The following UBE3D variants were observed in gnomAD, a reference collection of about 807,000 sequenced individuals.
UBE3D encodes the protein E3 ubiquitin-protein ligase E3D.
UBE3D carries 48 observed loss-of-function variants against 49.6 expected under a neutral mutation model. The ratio of observed to expected loss-of-function variants is 0.97; its 90% confidence interval spans 0.77 to 1.23. The LOEUF (loss-of-function observed/expected upper bound fraction) is 1.23, where lower values mean the gene tolerates loss of function less well. UBE3D is among the 50% of genes most tolerant of loss of function. UBE3D has a pLI of 0.00. For missense variants in UBE3D, 452 were observed against 468.4 expected (o/e 0.96, Z 0.32); for synonymous variants, 189 against 174.2 (o/e 1.08, Z -0.67).
At chr6:82,962,713 A>G (rs1219657372) in intron 8 of UBE3D, among the ~76,000 whole-genome samples, 2 of 152,222 alleles carry the variant, frequency 1.3e-5, no homozygotes, top group Non-Finnish European at 2.9e-5. Context: ...GGGCCAATAA[A>G]TGATAGGAAA....
chr6:82,999,530 G>T (rs112063855), intron 8 of UBE3D, among the ~76,000 whole-genome samples: 3,101 of 152,178 alleles, frequency 0.02, 35 homozygotes, highest in African/African-American at 0.032. Context: ...GACTATAGGT[G>T]CACACCACCA....
At chr6:82,979,726 CAAGT>C (rs1376375499) in intron 8 of UBE3D, among the ~76,000 whole-genome samples, 1 of 152,022 alleles carries the variant, frequency 6.6e-6, no homozygotes, top group Non-Finnish European at 1.5e-5. Context: ...CTGTACAAAT[CAAGT>C]AATTTCTCAT....
chr6:82,923,570 T>TG (rs992105921), intron 9 of UBE3D, among the ~76,000 whole-genome samples: 9 of 150,038 alleles, frequency 6.0e-5, no homozygotes, highest in Admixed American at 1.3e-4. Flanking sequence ...CCTGTGGGGG[T>TG]GGGGGGCTAG....
chr6:82,953,964 C>T (rs2127770087), intron 9 of UBE3D, among the ~76,000 whole-genome samples: 1 of 152,218 alleles, frequency 6.6e-6, no homozygotes, highest in Non-Finnish European at 1.5e-5. Flanking sequence ...CTCCCAGTAG[C>T]AGGGAAAACA....
At chr6:83,012,432 G>GA (rs1408361471) in intron 8 of UBE3D, among the ~76,000 whole-genome samples, 3 of 152,212 alleles carry the variant, frequency 2.0e-5, no homozygotes, top group Non-Finnish European at 4.4e-5. Context: ...CAGCCTTGGT[G>GA]AGTGAAAGTC....
At chr6:82,980,057 A>G (rs1482403532) in intron 8 of UBE3D, among the ~76,000 whole-genome samples, 2 of 152,178 alleles carry the variant, frequency 1.3e-5, no homozygotes, top group Non-Finnish European at 2.9e-5. Flanking sequence ...ATAAACAAAT[A>G]AATGAATGCA....
chr6:83,046,395 G>C (rs1326580309), intron 3 of UBE3D, among the ~76,000 whole-genome samples: 1 of 152,060 alleles, frequency 6.6e-6, no homozygotes, highest in Non-Finnish European at 1.5e-5. Flanking sequence ...TTTAACATAA[G>C]GAAGAACTTT....
intron 1 of UBE3D, among the ~76,000 whole-genome samples, chr6:83,063,412 TAAAA>T (rs201669450): frequency 1.1e-4 from 5 of 45,494 alleles, no homozygotes; most frequent in Non-Finnish European, 1.8e-4. Flanking sequence ...AGACGCTGTC[TAAAA>T]AAAAAAAAAA....
intron 9 of UBE3D, among the ~76,000 whole-genome samples, chr6:82,909,714 A>G (rs1192429134): frequency 6.6e-6 from 1 of 152,180 alleles, no homozygotes; most frequent in Non-Finnish European, 1.5e-5. Context: ...AGAAGCTTCA[A>G]GTTTTGTACT....
At chr6:83,032,477 T>C (rs1781948327) in intron 5 of UBE3D, among the ~76,000 whole-genome samples, 1 of 152,232 alleles carries the variant, frequency 6.6e-6, no homozygotes, top group African/African-American at 2.4e-5. Context: ...ATCTAGGAAG[T>C]ACCTAACTTG....
At chr6:82,963,126 T>C (rs1225016359) in intron 8 of UBE3D, among the ~76,000 whole-genome samples, 1 of 151,250 alleles carries the variant, frequency 6.6e-6, no homozygotes, top group East Asian at 1.9e-4. Flanking sequence ...AAAATGAAAT[T>C]AGTTGTTTAG....
chr6:82,962,069 C>T (rs569436073), intron 8 of UBE3D, among the ~76,000 whole-genome samples: 2 of 151,548 alleles, frequency 1.3e-5, no homozygotes, highest in Admixed American at 1.3e-4. Flanking sequence ...GAAAAATATT[C>T]ATGTTAGAGT....
chr6:82,985,767 G>A (rs981442710), intron 8 of UBE3D, among the ~76,000 whole-genome samples: 3 of 151,986 alleles, frequency 2.0e-5, no homozygotes, highest in East Asian at 1.9e-4. Context: ...GCACCCCAAC[G>A]CTAATTATTA....
intron 8 of UBE3D, among the ~76,000 whole-genome samples, chr6:82,988,262 TCTAC>T (rs1029502437): frequency 1.3e-5 from 2 of 152,130 alleles, no homozygotes; most frequent in African/African-American, 2.4e-5. Context: ...TAAAACTCTA[TCTAC>T]CTACCTACCT....
intron 3 of UBE3D, among the ~76,000 whole-genome samples, chr6:83,053,747 T>TA (rs1458365760): frequency 5.3e-5 from 8 of 152,232 alleles, no homozygotes; most frequent in Non-Finnish European, 8.8e-5. Context: ...AAGGCACTGA[T>TA]AAAAACAGTT....
intron 9 of UBE3D, among the ~76,000 whole-genome samples, chr6:82,901,314 G>A (rs1771716765): frequency 6.6e-6 from 1 of 152,052 alleles, no homozygotes; most frequent in African/African-American, 2.4e-5. Flanking sequence ...AGAGGAGCAG[G>A]GCTTGGGAGA....
intron 9 of UBE3D, among the ~76,000 whole-genome samples, chr6:82,905,147 AC>A (rs1772008474): frequency 6.6e-6 from 1 of 152,190 alleles, no homozygotes; most frequent in Non-Finnish European, 1.5e-5. Flanking sequence ...TAATACAGGC[AC>A]ATCTCACTTA....
intron 9 of UBE3D, chr6:82,925,193 C>G (rs1407299245): frequency 6.6e-6 from 1 of 152,144 alleles, no homozygotes; most frequent in African/African-American, 2.4e-5. Context: ...TAAGCAAAGT[C>G]TACCTTAACA....
chr6:83,065,047 A>C (rs1784407274), intron 1 of UBE3D, among the ~76,000 whole-genome samples: 1 of 152,256 alleles, frequency 6.6e-6, no homozygotes, highest in Non-Finnish European at 1.5e-5. Flanking sequence ...GCGAATAACA[A>C]GTTTGACGTT....
Sources: gnomAD v4.1 joint callset for allele counts (sites outside exome capture counted in the v4.1 genomes callset) on GRCh38, gnomAD v4.1.1 for gene constraint, MANE v1.5 for transcripts, NCBI Gene and HGNC (gene_info 2026-07-23, HGNC 2026-07-21) for gene names.